The following PRKN variants were observed in gnomAD, a reference collection of about 807,000 sequenced individuals.
PRKN encodes E3 ubiquitin-protein ligase parkin.
Under a neutral mutation model 59.5 loss-of-function variants are expected in PRKN, and 56 were observed. The observed-to-expected ratio is 0.94, with a 90% CI of 0.76 to 1.18. The LOEUF (loss-of-function observed/expected upper bound fraction) is 1.18. Among genes scored for constraint, PRKN ranks in the 50% most tolerant of loss-of-function variants. The pLI is 0.00. For missense variants in PRKN, 657 were observed against 596.4 expected (o/e 1.10, Z -1.06); for synonymous variants, 250 against 222.1 (o/e 1.13, Z -1.12).
chr6:161,733,611 G>T (rs1053279071), intron 7 of PRKN, among the ~76,000 whole-genome samples: 5 of 151,556 alleles, frequency 3.3e-5, no homozygotes, highest in African/African-American at 1.2e-4. Context: ...AAGACTCGAG[G>T]TAATTCACTT....
At position 161,592,892 on chromosome 6, in the gene PRKN, A is replaced by G. The variant is rs1240378852; in HGVS notation, c.872-23476T>C. The stretch of plus-strand genomic sequence containing the variant: ...ACTCCTGGCCAGGGGCCAGATCGTG[A>G]TGGTCTCAAGGGTTGAAGTTTAATT... On this transcript the variant is annotated intron_variant, in intron 7 of 11. Coordinates refer to ENST00000366898, the MANE Select transcript of PRKN (RefSeq NM_004562.3). The surrounding 1 kb of genome is among the most constrained non-coding windows in gnomAD (Gnocchi z 4.8). Among the ~76,000 whole-genome samples the G allele has an allele frequency of 3.3e-5, 5 of 152,188 alleles. No homozygotes were observed. Among genetic ancestry groups the G allele is most frequent in the Non-Finnish European group, 7.3e-5 (5 of 68,040 alleles).
At chr6:161,865,949 C>G (rs1794095374) in intron 6 of PRKN, among the ~76,000 whole-genome samples, 1 of 152,192 alleles carries the variant, frequency 6.6e-6, no homozygotes, top group Non-Finnish European at 1.5e-5. Context: ...CCTCACTAAG[C>G]TTAATCATCT....
At chr6:161,709,185 A>G (rs1041519201) in intron 7 of PRKN, among the ~76,000 whole-genome samples, 4 of 152,190 alleles carry the variant, frequency 2.6e-5, no homozygotes, top group Non-Finnish European at 5.9e-5. Flanking sequence ...TAGTAATCCA[A>G]ATACTCTTGG....
intron 1 of PRKN, among the ~76,000 whole-genome samples, chr6:162,474,947 T>C (rs377646691): frequency 6.6e-6 from 1 of 152,196 alleles, no homozygotes; most frequent in Admixed American, 6.5e-5. Flanking sequence ...TCTACAAATG[T>C]CAAAATAAAA....
chr6:162,681,795 G>C (rs921332822), intron 1 of PRKN, among the ~76,000 whole-genome samples: 1 of 152,012 alleles, frequency 6.6e-6, no homozygotes, highest in African/African-American at 2.4e-5. Context: ...CCTCTAGGGG[G>C]TATTTGGACC....
At chr6:162,359,627 C>T (rs1381606445) in intron 2 of PRKN, among the ~76,000 whole-genome samples, 2 of 151,288 alleles carry the variant, frequency 1.3e-5, no homozygotes, top group Non-Finnish European at 2.9e-5. Context: ...TATAAGTGAT[C>T]TTATTTCCTG....
At chr6:161,753,984 G>A (rs1055157754) in intron 7 of PRKN, among the ~76,000 whole-genome samples, 10 of 152,152 alleles carry the variant, frequency 6.6e-5, no homozygotes, top group Non-Finnish European at 1.3e-4. Flanking sequence ...CCAGAGAAGA[G>A]GAGGACGATC....
At chr6:161,863,022 G>A (rs1316395695) in intron 6 of PRKN, among the ~76,000 whole-genome samples, 2 of 152,108 alleles carry the variant, frequency 1.3e-5, no homozygotes, top group Admixed American at 1.3e-4. Flanking sequence ...TAAAGATCAA[G>A]AAGAATCAAG....
chr6:162,226,965 T>C (rs1303262502), intron 3 of PRKN, among the ~76,000 whole-genome samples: 39 of 152,192 alleles, frequency 2.6e-4, no homozygotes, highest in Non-Finnish European at 1.0e-4. Flanking sequence ...GTTCATTCTC[T>C]TGCTGCGCTA....
chr6:162,387,373 C>T (rs954342244), intron 2 of PRKN, among the ~76,000 whole-genome samples: 1 of 151,814 alleles, frequency 6.6e-6, no homozygotes, highest in African/African-American at 2.4e-5. Context: ...TTTACAAGCA[C>T]AAATTCTCTA....
At chr6:161,489,511 G>A (rs902405264) in intron 9 of PRKN, among the ~76,000 whole-genome samples, 1 of 152,198 alleles carries the variant, frequency 6.6e-6, no homozygotes, top group African/African-American at 2.4e-5. Flanking sequence ...AGTGAGCCAA[G>A]ATGGCGCCAC....
intron 2 of PRKN, among the ~76,000 whole-genome samples, chr6:162,402,936 C>A (rs1787871791): frequency 6.6e-6 from 1 of 152,042 alleles, no homozygotes; most frequent in African/African-American, 2.4e-5. Flanking sequence ...AGCCACTCTG[C>A]CTGGCCCTGT....
chr6:161,501,170 CTG>C (rs796182746), intron 9 of PRKN, among the ~76,000 whole-genome samples: 5 of 152,304 alleles, frequency 3.3e-5, no homozygotes, highest in African/African-American at 1.2e-4. Flanking sequence ...TTGTGCCCGG[CTG>C]TGTTTAGTTT....
At chr6:162,274,246 G>A (rs1780515620) in intron 2 of PRKN, among the ~76,000 whole-genome samples, 1 of 151,890 alleles carries the variant, frequency 6.6e-6, no homozygotes, top group African/African-American at 2.4e-5. Context: ...CTGGAGTGCA[G>A]GCATGATCAG....
At chr6:161,812,523 T>C (rs961069302) in intron 6 of PRKN, among the ~76,000 whole-genome samples, 2 of 152,150 alleles carry the variant, frequency 1.3e-5, no homozygotes, top group African/African-American at 4.8e-5. Context: ...ACTTACAGTT[T>C]AGTATTAAGA....
intron 7 of PRKN, among the ~76,000 whole-genome samples, chr6:161,728,121 A>G (rs910513352): frequency 2.0e-5 from 3 of 152,108 alleles, no homozygotes; most frequent in Non-Finnish European, 2.9e-5. Flanking sequence ...AATACTTTGC[A>G]TGGGCTAAAA....
chr6:161,448,056 T>G lies in PRKN; in HGVS notation c.1084-61179A>C, dbSNP rs143030677. 1.6e-4 allele frequency among the ~76,000 whole-genome samples: 24 copies of G among 152,308 alleles called. 1 individual carries two copies. The East Asian group carries it at 4.6e-3, about 29-fold the overall frequency. ...CTTGGTCATTGTTATCTCTTTATAA[T>G]AAAATGCTAAGCAACCCCCTTAGAG... On this transcript the variant is annotated intron_variant, in intron 9 of 11. Coordinates refer to ENST00000366898, the MANE Select transcript of PRKN (RefSeq NM_004562.3). This position sits in a 1 kb window ranked among gnomAD's most constrained non-coding sequence, Gnocchi z 5.1.
intron 2 of PRKN, among the ~76,000 whole-genome samples, chr6:162,310,673 A>C (rs1014991826): frequency 3.3e-5 from 5 of 152,052 alleles, no homozygotes; most frequent in Admixed American, 6.6e-5. Context: ...GCAGCACACC[A>C]ACATGGCACA....
At chr6:161,511,008 A>C (rs759966138) in intron 9 of PRKN, among the ~76,000 whole-genome samples, 1 of 152,322 alleles carries the variant, frequency 6.6e-6, no homozygotes, top group South Asian at 2.1e-4. Flanking sequence ...TAAAGAGGCC[A>C]CTGATCTTTT....
Sources: allele counts gnomAD v4.1 joint callset (sites outside exome capture counted in the v4.1 genomes callset), GRCh38; gene constraint gnomAD v4.1.1; non-coding constraint Gnocchi (gnomAD v3.1); transcripts MANE v1.5; gene names NCBI Gene and HGNC (gene_info 2026-07-23, HGNC 2026-07-21).